The following HPCAL1 variants were observed in gnomAD, a reference collection of about 807,000 sequenced individuals.
The protein encoded by HPCAL1 is hippocalcin like 1, also known as hippocalcin-like protein 1.
A neutral mutation model predicts 17.1 loss-of-function variants in HPCAL1; 8 were observed. That is an observed-to-expected ratio of 0.47 (90% CI 0.27 to 0.84). The LOEUF is 0.84. Among genes scored for constraint, HPCAL1 ranks in the 40% least tolerant of loss-of-function variants. HPCAL1 has a pLI of 0.13. For synonymous variants in HPCAL1, 112 were observed against 111.4 expected (o/e 1.01, Z -0.03); for missense variants, 165 against 271.1 (o/e 0.61, Z 2.75).
chr2:10,369,808 A>C (rs1667097769), intron 1 of HPCAL1, among the ~76,000 whole-genome samples: 1 of 152,214 alleles, frequency 6.6e-6, no homozygotes, highest in African/African-American at 2.4e-5. Flanking sequence ...GCTGAAATTG[A>C]GCTCAAAGGA....
At chr2:10,357,035 C>T (rs922240656) in intron 1 of HPCAL1, among the ~76,000 whole-genome samples, 1 of 152,116 alleles carries the variant, frequency 6.6e-6, no homozygotes, top group Non-Finnish European at 1.5e-5. Flanking sequence ...ATACCTTGAG[C>T]CCAGGAGGTT....
chr2:10,390,454 C>A (rs1457027097), intron 1 of HPCAL1, among the ~76,000 whole-genome samples: 1 of 152,178 alleles, frequency 6.6e-6, no homozygotes, highest in Non-Finnish European at 1.5e-5. Context: ...ATTTGAAAAC[C>A]AGTCACCTCC....
intron 1 of HPCAL1, among the ~76,000 whole-genome samples, chr2:10,392,178 G>C (rs1186092361): frequency 6.6e-6 from 1 of 152,088 alleles, no homozygotes; most frequent in East Asian, 1.9e-4. Flanking sequence ...GAGTAGCTGG[G>C]ACTACCCCCA....
intron 1 of HPCAL1, among the ~76,000 whole-genome samples, chr2:10,319,108 GTCT>G (rs1248691789): frequency 4.6e-5 from 7 of 152,208 alleles, no homozygotes; most frequent in Admixed American, 4.6e-4. Context: ...CTCATCGTGA[GTCT>G]TTCCAAATTC....
intron 1 of HPCAL1, among the ~76,000 whole-genome samples, chr2:10,308,880 A>C (rs1662784609): frequency 6.6e-6 from 1 of 152,184 alleles, no homozygotes; most frequent in Admixed American, 6.5e-5. Flanking sequence ...CAAATCAAAA[A>C]CAAAAACAAA....
intron 1 of HPCAL1, among the ~76,000 whole-genome samples, chr2:10,372,759 G>A (rs893656072): frequency 3.9e-5 from 6 of 152,204 alleles, no homozygotes; most frequent in Non-Finnish European, 8.8e-5. Flanking sequence ...CTGTGGAGAC[G>A]GTGACAGCTG....
At chr2:10,303,996 C>T (rs13025023) in intron 1 of HPCAL1, 15,893 of 142,910 alleles carry the variant, frequency 0.11, 936 homozygotes, top group African/African-American at 0.16. Flanking sequence ...CTTTTTTTTT[C>T]CCCTTTATCG....
At chr2:10,417,541 CTT>C (rs1391523082) in intron 2 of HPCAL1, among the ~76,000 whole-genome samples, 1 of 152,182 alleles carries the variant, frequency 6.6e-6, no homozygotes, top group African/African-American at 2.4e-5. Context: ...TGCAGCTTCT[CTT>C]TTCACATAAA....
rs1663829741 is a variant in HPCAL1 at position 10,323,932 on chromosome 2, C to T, written c.-111+20755C>T. On this transcript the variant is annotated intron_variant, in intron 1 of 4. Coordinates refer to ENST00000307845, the MANE Select transcript of HPCAL1 (RefSeq NM_002149.4). This position sits in a 1 kb window ranked among gnomAD's most constrained non-coding sequence, Gnocchi z 4.6. ...CCCATTACTAAATGTGGCACAAGAA[C>T]GTAGTCTAAAGGATGTACTTCACCA... 1.3e-5 allele frequency among the ~76,000 whole-genome samples: 2 copies of T among 152,202 alleles called. No individual in the cohort carries two copies. The highest frequency in any genetic ancestry group is 2.1e-4 in the South Asian group (1 of 4,828).
chr2:10,345,702 T>A (rs1025052041), intron 1 of HPCAL1, among the ~76,000 whole-genome samples: 1 of 152,086 alleles, frequency 6.6e-6, no homozygotes, highest in Non-Finnish European at 1.5e-5. Context: ...AGCGATCCTC[T>A]CACTTCAGCC....
At chr2:10,324,556 A>G (rs1290267465) in intron 1 of HPCAL1, among the ~76,000 whole-genome samples, 1 of 152,136 alleles carries the variant, frequency 6.6e-6, no homozygotes, top group African/African-American at 2.4e-5. Flanking sequence ...CTGCTCTGCT[A>G]AAAAATTTTG....
Position 10,343,033 on chromosome 2 carries a change from T to C in HPCAL1, c.-111+39856T>C, listed in dbSNP as rs1013194886. ...CAGCTGTTGCAAGTTTTAAACTCAA[T>C]GTGCCTCTGGATGTGTGTGTAGAGT... On this transcript the variant is annotated intron_variant, in intron 1 of 4. Transcript: ENST00000307845. The surrounding 1 kb of genome is among the most constrained non-coding windows in gnomAD (Gnocchi z 4.8). 2.3e-4 allele frequency among the ~76,000 whole-genome samples: 35 copies of C among 152,328 alleles called. No individual in the cohort carries two copies. Among genetic ancestry groups the C allele is most frequent in the African/African-American group, 8.2e-4 (34 of 41,568 alleles).
At chr2:10,350,720 G>C (rs1223997136) in intron 1 of HPCAL1, among the ~76,000 whole-genome samples, 1 of 152,136 alleles carries the variant, frequency 6.6e-6, no homozygotes, top group Non-Finnish European at 1.5e-5. Flanking sequence ...AATATATAAA[G>C]AACTCTTACA....
chr2:10,403,416 T>G (rs1056205151), intron 2 of HPCAL1, among the ~76,000 whole-genome samples: 1 of 151,926 alleles, frequency 6.6e-6, no homozygotes, highest in African/African-American at 2.4e-5. Flanking sequence ...AGCTCCATTC[T>G]GCAGTTGAAA....
chr2:10,348,095 C>T (rs755766366), intron 1 of HPCAL1, among the ~76,000 whole-genome samples: 2 of 152,164 alleles, frequency 1.3e-5, no homozygotes, highest in Non-Finnish European at 2.9e-5. Context: ...GTCAGTGAGA[C>T]GGACCTCTTA....
chr2:10,416,069 G>C (rs895634470), intron 2 of HPCAL1, among the ~76,000 whole-genome samples: 4 of 152,196 alleles, frequency 2.6e-5, no homozygotes, highest in Non-Finnish European at 4.4e-5. Flanking sequence ...ACGCAAGGCT[G>C]GTCCTTCACA....
rs1670900744 is a variant in HPCAL1, at chr2:10,419,561, TC to T, written c.-24-172del. On this transcript the variant is annotated intron_variant, in intron 2 of 4. Coordinates refer to ENST00000307845, the MANE Select transcript of HPCAL1 (RefSeq NM_002149.4). The surrounding 1 kb of genome is among the most constrained non-coding windows in gnomAD (Gnocchi z 5.0). ...GAGCTGTCGTGATATAATTAGAGTC[TC>T]TTGGCCTTCTTGGTGGTCCATAAGA... Among the ~76,000 whole-genome samples, 1 of 151,816 alleles carries T rather than the reference TC, an allele frequency of 6.6e-6. No homozygotes were observed. The highest frequency in any genetic ancestry group is 1.5e-5 in the Non-Finnish European group (1 of 67,964).
intron 1 of HPCAL1, among the ~76,000 whole-genome samples, chr2:10,340,408 T>C (rs1225010888): frequency 1.3e-5 from 2 of 152,236 alleles, no homozygotes; most frequent in Non-Finnish European, 2.9e-5. Flanking sequence ...TAAACATGTT[T>C]TCCAGGGACT....
chr2:10,309,639 G>C (rs1408717057), intron 1 of HPCAL1, among the ~76,000 whole-genome samples: 1 of 152,188 alleles, frequency 6.6e-6, no homozygotes, highest in Non-Finnish European at 1.5e-5. Context: ...GGTAGAGATG[G>C]TTCAAGCAAT....
Sources: allele counts gnomAD v4.1 joint callset (sites outside exome capture counted in the v4.1 genomes callset), GRCh38; gene constraint gnomAD v4.1.1; non-coding constraint Gnocchi (gnomAD v3.1); transcripts MANE v1.5; gene names NCBI Gene and HGNC (gene_info 2026-07-23, HGNC 2026-07-21).